The following QARS1 variants were observed in gnomAD, a reference collection of about 807,000 sequenced individuals.
The protein encoded by QARS1 is glutamine--tRNA ligase.
QARS1 carries 79 observed loss-of-function variants against 106.9 expected under a neutral mutation model. The observed-to-expected ratio is 0.74, with a 90% confidence interval of 0.62 to 0.89. QARS1 has a LOEUF of 0.89. Among genes scored for constraint, QARS1 ranks in the 40% least tolerant of loss-of-function variants. QARS1 has a pLI of 0.00. For synonymous variants in QARS1, 395 were observed against 367.7 expected (o/e 1.07, Z -0.85); for missense variants, 966 against 997.2 (o/e 0.97, Z 0.42).
At chr3:49,098,799 G>A (rs1053986134) in intron 19 of QARS1, 86 bp downstream of exon 19, 14 of 1,496,926 alleles carry the variant, frequency 9.4e-6, no homozygotes, top group Non-Finnish European at 1.3e-5. Context: ...GAAGCAGGAA[G>A]TAGATGGACT....
chr3:49,103,522 G>A, intron 4 of QARS1, 109 bp downstream of exon 4: 1 of 1,565,834 alleles, frequency 6.4e-7, no homozygotes, highest in East Asian at 2.3e-5. Context: ...AGCCCAGCCA[G>A]ACCACTTTAA....
In QARS1 at chr3:49,099,972, T is replaced by C. The variant is rs377390626; in HGVS notation, c.1284A>G (p.Thr428=). 5.0e-6 allele frequency: 8 copies of C among 1,614,024 alleles called. No individual in the cohort carries two copies. The highest frequency in any genetic ancestry group is 6.8e-6 in the Non-Finnish European group (8 of 1,180,008). ...YRVKYTPHHR[T]GDKWCIYPTY... is the part of the protein sequence containing the mutation. Reference sequence around the variant, plus strand: ...CATTCTACACCCACCATTTGTCCCCTGTGCGGTGGTGTGGTGTATACTTGA... The same window carrying C: ...CATTCTACACCCACCATTTGTCCCCCGTGCGGTGGTGTGGTGTATACTTGA... The change falls in exon 14 of 24, where the codon ACA becomes ACG. Residue 428 remains threonine, a synonymous_variant. Transcript: ENST00000306125.
At position 49,100,101 on chromosome 3, in the gene QARS1, A is replaced by G. The variant is rs772713494; in HGVS notation, c.1165-10T>C. On this transcript the variant is annotated splice_polypyrimidine_tract_variant and intron_variant, in intron 13 of 23. Coordinates refer to ENST00000306125, the MANE Select transcript of QARS1 (RefSeq NM_005051.3). ...TGCCCTTGCGCATTGCCTGAGGGGA[A>G]CAAGGACTCAGGCTGTCTCTAAGCA... 5 of 1,614,102 alleles carry G rather than the reference A, an allele frequency of 3.1e-6. No individual in the cohort carries two copies. In the East Asian group the frequency reaches 8.9e-5, roughly 29 times the overall value.
In QARS1 at chr3:49,104,360, C is replaced by G; in HGVS notation, c.229G>C (p.Ala77Pro). 2 of 1,614,178 alleles carry G rather than the reference C, an allele frequency of 1.2e-6. No individual in the cohort carries two copies. Among genetic ancestry groups the G allele is most frequent in the East Asian group, 2.2e-5 (1 of 44,878 alleles). The change falls in exon 2 of 24, where the codon GCC becomes CCC. Residue 77 changes from alanine to proline, a missense_variant. Transcript: ENST00000306125. ...GGCTCAGTGTGGATCTTCTTACTGGCTATGTAGCTTACAAGGAAGGAGAGA... is the reference window on the plus strand; with the variant it reads ...GGCTCAGTGTGGATCTTCTTACTGGGTATGTAGCTTACAAGGAAGGAGAGA... The part of the protein sequence containing the change: ...RRLSFLVSYI[A>P]SKKIHTEPQL...
In QARS1 at chr3:49,104,485, G is replaced by C. The variant is rs187975850; in HGVS notation, c.118-14C>G. 6.2e-7 allele frequency: 1 copy of C among 1,613,414 alleles called. No individual in the cohort carries two copies. The highest frequency in any genetic ancestry group is 8.5e-7 in the Non-Finnish European group (1 of 1,179,808). On this transcript the variant is annotated splice_polypyrimidine_tract_variant and intron_variant, in intron 1 of 23. Transcript: ENST00000306125. ...GGTCTGCTGAGCCTGAGGTCAGAGG[G>C]GTCAAGAGAGAAGCCCCGCGCTCAG...
Position 49,099,157 on chromosome 3 carries a change from C to T in QARS1, c.1711G>A (p.Val571Met), listed in dbSNP as rs781475272. The stretch of plus-strand genomic sequence containing the variant: ...ATGATGACCCGTAGTGACTCCAGCA[C>T]AGCCATGGCTCGTGGGGCTGTGTCA... ...LNDTAPRAMA[V>M]LESLRVIITN... Residue 571 changes from valine (V) to methionine (M), a missense_variant, in exon 18 of 24, where the codon GTG (valine) becomes ATG (methionine). Coordinates refer to ENST00000306125, the MANE Select transcript of QARS1 (RefSeq NM_005051.3). The T allele has an allele frequency of 1.9e-6, 3 of 1,614,196 alleles. No individual in the cohort carries two copies. The highest frequency in any genetic ancestry group is 2.2e-5 in the South Asian group (2 of 91,084).
intron 4 of QARS1, 34 bp from the exon 5 acceptor site, chr3:49,103,443 C>CA (rs1429632366): frequency 3.1e-6 from 5 of 1,608,316 alleles, no homozygotes; most frequent in Non-Finnish European, 4.2e-6. Context: ...TGCAGAAAGG[C>CA]AAAAAAGAGT....
At position 49,104,665 on chromosome 3, in the gene QARS1, C is replaced by G. The variant is rs766099869; in HGVS notation, c.69G>C (p.Thr23=). The G allele has an allele frequency of 8.1e-6, 13 of 1,609,688 alleles. No homozygotes were observed. ...LGLSEQKARE[T]LKNSALSAQL... ...GCGCGCTCAGAGCCGAGTTCTTGAG[C>G]GTCTCGCGGGCCTTCTGCTCGCTCA... Residue 23 remains threonine, a synonymous_variant, in exon 1 of 24, where the codon ACG becomes ACC. Transcript: ENST00000306125.
Position 49,099,801 on chromosome 3 carries a change from G to A in QARS1, c.1348C>T (p.His450Tyr), listed in dbSNP as rs769836405. Residue 450 changes from histidine to tyrosine, a missense_variant, in exon 15 of 24, where the codon CAC (histidine) becomes TAC (tyrosine). By Grantham distance (83) the His-to-Tyr change is moderately conservative. Transcript: ENST00000306125. ...TTGGTGCAGAGTGAGTGAGTGATGT[G>A]CTCGATGGAGTCACAGAGGCAGTGT... ...YTHCLCDSIEHITHSLCTKEF... is the reference protein window; with the variant it reads ...YTHCLCDSIEYITHSLCTKEF... The A allele has an allele frequency of 6.2e-7, 1 of 1,614,006 alleles. No homozygotes were observed. The highest frequency in any genetic ancestry group is 8.5e-7 in the Non-Finnish European group (1 of 1,179,996).
intron 5 of QARS1, 136 bp downstream of exon 5, chr3:49,103,209 C>A (rs1429290239): frequency 2.2e-6 from 2 of 889,402 alleles, no homozygotes; most frequent in African/African-American, 3.3e-5. Flanking sequence ...CCTCCTGCCT[C>A]AGCCTCCCAA....
At chr3:49,096,616 G>A (rs1004822732) in intron 23 of QARS1, among the ~76,000 whole-genome samples, 2 of 151,784 alleles carry the variant, frequency 1.3e-5, no homozygotes, top group East Asian at 1.9e-4. Flanking sequence ...TGGCTAACAC[G>A]GTGAAACCCC....
At position 49,104,703 on chromosome 3, in the gene QARS1, T is replaced by C. The variant is rs2042517964; in HGVS notation, c.31A>G (p.Thr11Ala). The C allele has an allele frequency of 6.2e-7, 1 of 1,612,720 alleles. No individual in the cohort carries two copies. MAALDSLSLF[T>A]SLGLSEQKAR... The stretch of plus-strand genomic sequence containing the variant: ...TTCTGCTCGCTCAGGCCGAGGCTAG[T>C]GAAGAGCGACAGGGAGTCTAGAGCC... The change falls in exon 1 of 24, where the codon ACT becomes GCT. Residue 11 changes from threonine (T) to alanine (A), a missense_variant. Physicochemically the swap from Thr to Ala is moderately conservative, Grantham distance 58. Coordinates refer to ENST00000306125, the MANE Select transcript of QARS1 (RefSeq NM_005051.3).
chr3:49,103,829 T>A, intron 3 of QARS1, 34 bp downstream of exon 3: 1 of 1,607,746 alleles, frequency 6.2e-7, no homozygotes, highest in Non-Finnish European at 8.5e-7. Flanking sequence ...TGGCCAGGAC[T>A]GGGGAGGCAG....
At chr3:49,097,889 G>T in intron 23 of QARS1, 103 bp downstream of exon 23, 1 of 1,467,336 alleles carries the variant, frequency 6.8e-7, no homozygotes, top group Non-Finnish European at 9.4e-7. Flanking sequence ...AACTCCCTCA[G>T]GTGGTGAGGA....
chr3:49,099,944 C>T lies in QARS1; in HGVS notation c.1295+17G>A. ...CCTGCTCGGCAGCCCCACCACCCCA[C>T]CCCATTCTACACCCACCATTTGTCC... On this transcript the variant is annotated intron_variant, in intron 14 of 23. Transcript: ENST00000306125. 1 of 1,614,158 alleles carries T rather than the reference C, an allele frequency of 6.2e-7. No individual in the cohort carries two copies. The highest frequency in any genetic ancestry group is 1.1e-5 in the South Asian group (1 of 91,088).
intron 23 of QARS1, among the ~76,000 whole-genome samples, chr3:49,096,300 T>C (rs1460372093): frequency 1.3e-5 from 2 of 152,202 alleles, no homozygotes; most frequent in Non-Finnish European, 2.9e-5. Context: ...ACAACCACCG[T>C]GGGGGTCCAG....
Position 49,098,634 on chromosome 3 carries a change from G to A in QARS1, c.1922C>T (p.Thr641Ile). 1.2e-6 allele frequency: 2 copies of A among 1,611,798 alleles called. No homozygotes were observed. Among genetic ancestry groups the A allele is most frequent in the Non-Finnish European group, 1.7e-6 (2 of 1,178,908 alleles). Reference protein sequence around the residue: ...AWGQPVGLRHTGYVIELQHVV... With the variant: ...AWGQPVGLRHIGYVIELQHVV... ...ATGCTGCAGCTCAATGACGTAGCCT[G>A]TATGCCTCAGGCCCACAGGCTGGCC... The change falls in exon 20 of 24, where the codon ACA becomes ATA. Residue 641 changes from threonine to isoleucine, a missense_variant. Coordinates refer to ENST00000306125, the MANE Select transcript of QARS1 (RefSeq NM_005051.3).
At chr3:49,098,767 T>C (rs2107097501) in intron 19 of QARS1, 75 bp from the exon 20 acceptor site, 1 of 1,505,934 alleles carries the variant, frequency 6.6e-7, no homozygotes, top group East Asian at 2.3e-5. Context: ...TACCCCCGTG[T>C]CTGGCAAAGA....
At position 49,100,703 on chromosome 3, in the gene QARS1, C is replaced by T. The variant is rs1443023089; in HGVS notation, c.877-29G>A. On this transcript the variant is annotated intron_variant, in intron 10 of 23. Coordinates refer to ENST00000306125, the MANE Select transcript of QARS1 (RefSeq NM_005051.3). Reference sequence around the variant, plus strand: ...GGAAAGTTGCACCATCTGTGAACTCCCACATCATCCATCAGCCCCACAATC... The same window carrying T: ...GGAAAGTTGCACCATCTGTGAACTCTCACATCATCCATCAGCCCCACAATC... The T allele has an allele frequency of 4.1e-6, 6 of 1,460,486 alleles. No homozygotes were observed. The Admixed American group carries it at 5.0e-5, about 12-fold the overall frequency. The allele number at this position is 1,460,486 out of a possible 1,614,324, so 90.5% of individuals were successfully genotyped here.
Sources: allele counts gnomAD v4.1 joint callset (sites outside exome capture counted in the v4.1 genomes callset), GRCh38; gene constraint gnomAD v4.1.1; transcripts MANE v1.5; gene names NCBI Gene and HGNC (gene_info 2026-07-23, HGNC 2026-07-21).